LY75: variants seen among roughly 807,000 people sequenced by gnomAD.
The protein encoded by LY75 is lymphocyte antigen 75.
Under a neutral mutation model 231.7 loss-of-function variants are expected in LY75, and 185 were observed. The observed-to-expected ratio is 0.80, with a 90% CI of 0.71 to 0.90. The LOEUF (loss-of-function observed/expected upper bound fraction) is 0.90, where lower values mean the gene tolerates loss of function less well. LY75 is among the 40% of genes least tolerant of loss of function. The pLI is 0.00. For missense variants in LY75, 1,947 were observed against 2,050.2 expected, an observed-to-expected ratio of 0.95 and a Z score of 0.97; for synonymous variants, 668 against 689.0, an observed-to-expected ratio of 0.97 and a Z score of 0.48.
Position 159,834,096 on chromosome 2 carries a change from A to C in LY75, c.3789T>G (p.Asn1263Lys), listed in dbSNP as rs1683747874. The change falls in exon 27 of 35, where the codon AAT becomes AAG. Residue 1263 changes from asparagine (N) to lysine (K), a missense_variant. Physicochemically the swap from Asn to Lys is moderately conservative, Grantham distance 94 (BLOSUM62 0). Coordinates refer to ENST00000263636, the MANE Select transcript of LY75 (RefSeq NM_002349.4). ...CATCCTGTGTTGTTGCCATATGCCT[A>C]TTCTTTGTTATTATGAAATTGTAGC... ...NCCYNFIITK[N>K]RHMATTQDEV... The C allele has an allele frequency of 5.0e-6, 8 of 1,613,910 alleles. No homozygotes were observed. Among genetic ancestry groups the C allele is most frequent in the Non-Finnish European group, 6.8e-6 (8 of 1,179,922 alleles).
In LY75 at chr2:159,904,609, G is replaced by A; in HGVS notation, c.74C>T (p.Ala25Val). The A allele has an allele frequency of 6.6e-7, 1 of 1,509,106 alleles. No homozygotes were observed. Among genetic ancestry groups the A allele is most frequent in the Non-Finnish European group, 8.8e-7 (1 of 1,132,480 alleles). 93.5% of individuals were successfully genotyped at this position (1,509,106 alleles called of 1,614,324 possible). Residue 25 changes from alanine to valine, a missense_variant, in exon 1 of 35, where the codon GCG becomes GTG. Transcript: ENST00000263636. ...LMLLFWFFDL[A>V]EPSGRAANDP... The stretch of plus-strand genomic sequence containing the variant: ...GTTACCTGCGCGGCCAGAGGGCTCC[G>A]CGAGATCGAAGAACCAGAAGAGCAG...
At chr2:159,900,782 T>G (rs149616895) in intron 1 of LY75, among the ~76,000 whole-genome samples, 1 of 152,292 alleles carries the variant, frequency 6.6e-6, no homozygotes, top group East Asian at 1.9e-4. Context: ...TAAATCTGAA[T>G]TTTAAAAGTA....
At chr2:159,832,983 A>G (rs1683708480) in intron 27 of LY75, among the ~76,000 whole-genome samples, 1 of 152,222 alleles carries the variant, frequency 6.6e-6, no homozygotes, top group African/African-American at 2.4e-5. Context: ...AAAATGTGAA[A>G]TGTGCACTTC....
At chr2:159,833,065 C>T (rs1683712795) in intron 27 of LY75, among the ~76,000 whole-genome samples, 1 of 151,974 alleles carries the variant, frequency 6.6e-6, no homozygotes, top group Non-Finnish European at 1.5e-5. Flanking sequence ...TTCACTTCCC[C>T]ATAGCCTAGC....
At chr2:159,832,610 G>T (rs747694584) in intron 27 of LY75, among the ~76,000 whole-genome samples, 7 of 152,002 alleles carry the variant, frequency 4.6e-5, no homozygotes, top group Non-Finnish European at 1.0e-4. Context: ...AGATCTACAT[G>T]GATTTTAAAA....
intron 3 of LY75, among the ~76,000 whole-genome samples, chr2:159,892,321 A>G (rs1441405485): frequency 6.6e-6 from 1 of 152,216 alleles, no homozygotes; most frequent in Non-Finnish European, 1.5e-5. Flanking sequence ...TCAATGAGTC[A>G]GCCTAGTGTA....
chr2:159,868,776 G>T (rs1684925801), intron 13 of LY75, among the ~76,000 whole-genome samples: 1 of 152,020 alleles, frequency 6.6e-6, no homozygotes, highest in African/African-American at 2.4e-5. Flanking sequence ...CTAACCTCTT[G>T]CTTGGAATCT....
intron 15 of LY75, among the ~76,000 whole-genome samples, chr2:159,859,942 C>G (rs1316319317): frequency 6.6e-6 from 1 of 152,172 alleles, no homozygotes; most frequent in East Asian, 1.9e-4. Flanking sequence ...TCATAATATT[C>G]TTGTTCTTGC....
intron 11 of LY75, among the ~76,000 whole-genome samples, 165 bp downstream of exon 11, chr2:159,878,159 G>A (rs1326227012): frequency 6.6e-6 from 1 of 152,180 alleles, no homozygotes; most frequent in Non-Finnish European, 1.5e-5. Context: ...GGACATAATA[G>A]GGAAGACATA....
intron 13 of LY75, 159 bp from the exon 14 acceptor site, chr2:159,865,079 G>C: frequency 4.0e-6 from 1 of 248,286 alleles, no homozygotes; most frequent in Non-Finnish European, 6.4e-6. Context: ...GGTAGTTACA[G>C]AAAAAGTACC....
rs371236456 is a variant in LY75, at chr2:159,885,164, A to G, written c.1043T>C (p.Val348Ala). Residue 348 changes from valine (V) to alanine (A), a missense_variant, in exon 6 of 35, where the codon GTG (valine) becomes GCG (alanine). Transcript: ENST00000263636. The stretch of plus-strand genomic sequence containing the variant: ...TGTGAGAAAGATACCTGTTAACTCC[A>G]CTGTATTATTTAATGGTTTCCTGCA... ...YVCRKPLNNT[V>A]ELTDVWTYSD... The G allele has an allele frequency of 7.9e-5, 127 of 1,613,102 alleles. No individual in the cohort carries two copies. Among genetic ancestry groups the G allele is most frequent in the Non-Finnish European group, 1.0e-4 (122 of 1,179,496 alleles).
intron 2 of LY75, among the ~76,000 whole-genome samples, chr2:159,898,415 ATATC>A (rs1268245832): frequency 6.6e-6 from 1 of 152,160 alleles, no homozygotes; most frequent in Non-Finnish European, 1.5e-5. Flanking sequence ...TAAGAAGTAC[ATATC>A]TATCTGATGA....
intron 25 of LY75, among the ~76,000 whole-genome samples, chr2:159,838,151 G>A (rs1240841964): frequency 6.6e-6 from 1 of 152,096 alleles, no homozygotes; most frequent in Non-Finnish European, 1.5e-5. Flanking sequence ...CTTCCACACA[G>A]TGTCGTCTAC....
At chr2:159,887,556 T>TCAA (rs1168283664) in intron 4 of LY75, among the ~76,000 whole-genome samples, 1 of 63,392 alleles carries the variant, frequency 1.6e-5, no homozygotes, top group Non-Finnish European at 4.2e-5. Flanking sequence ...GGACTCTGTC[T>TCAA]CAACAACAAC....
In LY75 at chr2:159,879,050, C is replaced by T. The variant is rs115217991; in HGVS notation, c.1515+209G>A. On this transcript the variant is annotated intron_variant, in intron 9 of 34. Coordinates refer to ENST00000263636, the MANE Select transcript of LY75 (RefSeq NM_002349.4). ...ATCAGCCTTGAGGATAGTAATTCTACAAATATTTATAGAAATTTTCAAGTT... is the reference window on the plus strand; with the variant it reads ...ATCAGCCTTGAGGATAGTAATTCTATAAATATTTATAGAAATTTTCAAGTT... Among the ~76,000 whole-genome samples the T allele has an allele frequency of 4.4e-3, 677 of 152,246 alleles. 7 individuals are homozygous for T. Among genetic ancestry groups the T allele is most frequent in the African/African-American group, 0.016 (658 of 41,562 alleles).
intron 8 of LY75, 145 bp downstream of exon 8, chr2:159,880,938 A>G: frequency 2.1e-6 from 2 of 961,270 alleles, no homozygotes; most frequent in Non-Finnish European, 3.0e-6. Context: ...CTTAACAGGT[A>G]ATGGTCCGTG....
At chr2:159,854,009 A>G (rs1684477235) in intron 18 of LY75, among the ~76,000 whole-genome samples, 1 of 152,134 alleles carries the variant, frequency 6.6e-6, no homozygotes, top group South Asian at 2.1e-4. Context: ...TACAGAAATT[A>G]TTTTTCTTCC....
At chr2:159,869,138 G>A (rs947843529) in intron 13 of LY75, among the ~76,000 whole-genome samples, 16 of 151,978 alleles carry the variant, frequency 1.1e-4, no homozygotes, top group African/African-American at 3.1e-4. Flanking sequence ...ATCACACACC[G>A]GGACCTGTTG....
In LY75 at chr2:159,864,836, T is replaced by C; in HGVS notation, c.2199+3A>G. 1 of 1,579,972 alleles carries C rather than the reference T, an allele frequency of 6.3e-7. No homozygotes were observed. Among genetic ancestry groups the C allele is most frequent in the Non-Finnish European group, 8.6e-7 (1 of 1,165,222 alleles). On this transcript the variant is annotated splice_donor_region_variant and intron_variant, in intron 14 of 34. Coordinates refer to ENST00000263636, the MANE Select transcript of LY75 (RefSeq NM_002349.4). ...TACCTAAAACAATAACGTTTTAACT[T>C]ACTGGTGTACGATCACTCCATTGCC...
Sources: allele counts gnomAD v4.1 joint callset (sites outside exome capture counted in the v4.1 genomes callset), GRCh38; gene constraint gnomAD v4.1.1; transcripts MANE v1.5; gene names NCBI Gene and HGNC (gene_info 2026-07-23, HGNC 2026-07-21).